The following GSDMC variants were observed in gnomAD, a reference collection of about 807,000 sequenced individuals.
The protein encoded by GSDMC is gasdermin-C.
GSDMC carries 59 observed loss-of-function variants against 58.0 expected under a neutral mutation model. That is an observed-to-expected ratio of 1.02 (90% CI 0.82 to 1.26). GSDMC has a LOEUF of 1.26. Ranked by LOEUF, GSDMC falls within the 50% of genes most tolerant of loss-of-function variation. The pLI, the probability that GSDMC is intolerant of heterozygous loss-of-function variation, is 0.00. For synonymous variants in GSDMC, 241 were observed against 220.2 expected (o/e 1.09, Z -0.83); for missense variants, 659 against 598.5 (o/e 1.10, Z -1.06).
At chr8:129,738,653 C>T in the GSDMC span, among the ~76,000 whole-genome samples, 3 of 151,782 alleles carry the variant, frequency 2.0e-5, no homozygotes, top group African/African-American at 4.8e-5. Flanking sequence ...TGGGGCCTCT[C>T]GTGGGGTGGG....
the GSDMC span, among the ~76,000 whole-genome samples, chr8:129,718,402 G>A: frequency 1.3e-5 from 2 of 152,082 alleles, no homozygotes; most frequent in Admixed American, 6.6e-5. Flanking sequence ...ACATTTATGC[G>A]GCCAACAAAC....
intron 9 of GSDMC, 127 bp from the exon 10 acceptor site, chr8:129,751,695 C>G: frequency 9.2e-7 from 1 of 1,092,604 alleles, no homozygotes; most frequent in South Asian, 1.4e-5. Context: ...CCCCCATTCC[C>G]ATTCATCCTC....
At chr8:129,733,318 C>T in the GSDMC span, among the ~76,000 whole-genome samples, 8 of 152,194 alleles carry the variant, frequency 5.3e-5, no homozygotes, top group East Asian at 5.8e-4. Flanking sequence ...GTGGTTCTCC[C>T]GGCATGGTGC....
chr8:129,780,350 A>C lies in GSDMC; in HGVS notation c.-4-2759T>G, dbSNP rs550783206. Among the ~76,000 whole-genome samples, 18 of 152,334 alleles carry C rather than the reference A, an allele frequency of 1.2e-4. No homozygotes were observed. The South Asian group carries it at 3.5e-3, about 30-fold the overall frequency. On this transcript the variant is annotated intron_variant, in intron 1 of 13. Transcript: ENST00000276708. ...AGACTACCTCAGGCATTTGATAATC[A>C]AACTCCCAAATATCAAGTATAAAGT...
intron 1 of GSDMC, among the ~76,000 whole-genome samples, chr8:129,777,814 G>A: frequency 6.6e-6 from 1 of 152,032 alleles, no homozygotes; most frequent in South Asian, 2.1e-4. Context: ...TTGAACTCTT[G>A]GGCTCAAGTG....
chr8:129,744,625 G>GA (rs1177053554), downstream of GSDMC, among the ~76,000 whole-genome samples: 1 of 152,242 alleles, frequency 6.6e-6, no homozygotes, highest in Non-Finnish European at 1.5e-5. Flanking sequence ...AAGTCCTCAG[G>GA]AACTTAGTCT....
At chr8:129,784,899 A>G (rs949933556) in intron 1 of GSDMC, among the ~76,000 whole-genome samples, 3 of 152,174 alleles carry the variant, frequency 2.0e-5, no homozygotes, top group Non-Finnish European at 4.4e-5. Flanking sequence ...TACATAACAG[A>G]GTACTACTCA....
At chr8:129,731,682 A>G in the GSDMC span, among the ~76,000 whole-genome samples, 17 of 152,176 alleles carry the variant, frequency 1.1e-4, no homozygotes, top group Non-Finnish European at 1.6e-4. Flanking sequence ...GCCCACTAAC[A>G]TCGAGGAGGG....
At chr8:129,731,480 A>C in the GSDMC span, among the ~76,000 whole-genome samples, 44,527 of 152,166 alleles carry the variant, frequency 0.29, 8,823 homozygotes, top group African/African-American at 0.54. Context: ...CAGAGAAACT[A>C]CCTTAAAGGG....
chr8:129,751,462 G>A, intron 10 of GSDMC, 80 bp downstream of exon 10: 4 of 1,188,046 alleles, frequency 3.4e-6, no homozygotes, highest in Non-Finnish European at 4.9e-6. Context: ...TTTCTGACTT[G>A]CATAGAAACC....
chr8:129,785,827 T>C (rs773295571), intron 1 of GSDMC, among the ~76,000 whole-genome samples, 184 bp downstream of exon 1: 3 of 151,888 alleles, frequency 2.0e-5, no homozygotes, highest in Non-Finnish European at 2.9e-5. Flanking sequence ...GTATCGAAGA[T>C]ATATTCCTTA....
chr8:129,760,484 TAC>T, intron 6 of GSDMC, 59 bp downstream of exon 6: 1 of 903,964 alleles, frequency 1.1e-6, no homozygotes, highest in South Asian at 1.4e-5. Flanking sequence ...CTTATAAATA[TAC>T]ATACCTCCCA....
chr8:129,745,061 A>G (rs1261487419), downstream of GSDMC, among the ~76,000 whole-genome samples: 1 of 152,090 alleles, frequency 6.6e-6, no homozygotes, highest in Non-Finnish European at 1.5e-5. Flanking sequence ...ATTTCTTCCC[A>G]CTCCCTCTTA....
At chr8:129,734,575 T>G in the GSDMC span, among the ~76,000 whole-genome samples, 1 of 152,140 alleles carries the variant, frequency 6.6e-6, no homozygotes, top group African/African-American at 2.4e-5. Flanking sequence ...CCAGCCAAAC[T>G]AAGCTTCATA....
the GSDMC span, among the ~76,000 whole-genome samples, chr8:129,719,147 T>G: frequency 6.6e-6 from 1 of 152,134 alleles, no homozygotes; most frequent in East Asian, 1.9e-4. Flanking sequence ...CAAACCTGCA[T>G]GTTCTGCACA....
chr8:129,710,259 T>G, the GSDMC span, among the ~76,000 whole-genome samples: 2 of 152,168 alleles, frequency 1.3e-5, no homozygotes, highest in South Asian at 4.1e-4. Context: ...CAAAGAAATT[T>G]TGATGAATGA....
the GSDMC span, among the ~76,000 whole-genome samples, chr8:129,737,361 G>A: frequency 6.6e-6 from 1 of 152,150 alleles, no homozygotes; most frequent in Non-Finnish European, 1.5e-5. Context: ...GAACAAAGCT[G>A]GAAGCATCAC....
the GSDMC span, among the ~76,000 whole-genome samples, chr8:129,727,488 C>T: frequency 2.0e-5 from 3 of 152,154 alleles, no homozygotes; most frequent in East Asian, 5.8e-4. Flanking sequence ...AAGAGAACCT[C>T]CCTCTGTAAG....
In GSDMC at chr8:129,748,355, T is replaced by G; in HGVS notation, c.*146A>C. 1.5e-6 allele frequency: 1 copy of G among 688,732 alleles called. No individual in the cohort carries two copies. Among genetic ancestry groups the G allele is most frequent in the Non-Finnish European group, 2.3e-6 (1 of 433,848 alleles). 42.7% of individuals were successfully genotyped at this position (688,732 alleles called of 1,614,324 possible). A position where few individuals can be genotyped will look rare whatever the true frequency, so the allele number is the denominator to read the frequency against. The stretch of plus-strand genomic sequence containing the variant: ...TAGAGTATTCCACCACCCCAAAACA[T>G]TTCCTAAAGTCTCTACCCATTACTG... On this transcript the variant is annotated 3_prime_UTR_variant, in exon 14 of 14. Transcript: ENST00000276708.
Sources: allele counts gnomAD v4.1 joint callset (sites outside exome capture counted in the v4.1 genomes callset), GRCh38; gene constraint gnomAD v4.1.1; transcripts MANE v1.5; gene names NCBI Gene and HGNC (gene_info 2026-07-23, HGNC 2026-07-21).